Variants in ACTR3C observed in about 807,000 individuals in gnomAD.
ACTR3C encodes the protein actin related protein 3C, also known as actin-related protein 3C.
ACTR3C carries 18 observed loss-of-function variants against 26.3 expected under a neutral mutation model. The observed-to-expected ratio is 0.68, with a 90% confidence interval of 0.47 to 1.01. The LOEUF (loss-of-function observed/expected upper bound fraction) is 1.01. Ranked by LOEUF, ACTR3C falls within the 50% of genes least tolerant of loss-of-function variation. ACTR3C has a pLI of 0.00. For missense variants in ACTR3C, 184 were observed against 250.7 expected (o/e 0.73, Z 1.80); for synonymous variants, 55 against 94.5 (o/e 0.58, Z 2.42).
chr7:150,048,499 TC>T, the ACTR3C span, among the ~76,000 whole-genome samples: 1 of 149,520 alleles, frequency 6.7e-6, no homozygotes, highest in Non-Finnish European at 1.5e-5. Flanking sequence ...GGTGGGGGAG[TC>T]CCGGGAGCTG....
chr7:150,196,834 C>T, the ACTR3C span, among the ~76,000 whole-genome samples: 2 of 152,106 alleles, frequency 1.3e-5, no homozygotes, highest in Non-Finnish European at 2.9e-5. Flanking sequence ...TTAGGATATT[C>T]TTCTTTGTTC....
chr7:150,019,600 A>AATG, the ACTR3C span, among the ~76,000 whole-genome samples: 1 of 2,746 alleles, frequency 3.6e-4, no homozygotes, highest in African/African-American at 9.6e-4. Flanking sequence ...CAAAAATAAA[A>AATG]ATAATAATAA....
chr7:149,964,997 A>T, the ACTR3C span, among the ~76,000 whole-genome samples: 4 of 152,114 alleles, frequency 2.6e-5, no homozygotes, highest in African/African-American at 9.7e-5. Context: ...GGGAGGAAAA[A>T]GTTGTGTGTA....
the ACTR3C span, among the ~76,000 whole-genome samples, chr7:150,069,740 G>A: frequency 1.3e-5 from 2 of 152,088 alleles, no homozygotes; most frequent in Non-Finnish European, 2.9e-5. Flanking sequence ...AGAAGAGGGG[G>A]CTTATGTTAT....
chr7:150,240,002 A>G (rs1430479910), downstream of ACTR3C, among the ~76,000 whole-genome samples: 1 of 152,094 alleles, frequency 6.6e-6, no homozygotes, highest in African/African-American at 2.4e-5. Context: ...TGATCCACCC[A>G]CCTCAGCCTC....
At chr7:150,154,022 A>C in the ACTR3C span, among the ~76,000 whole-genome samples, 61 of 144,628 alleles carry the variant, frequency 4.2e-4, 1 homozygote, top group African/African-American at 1.6e-3. Context: ...GAATTGAACA[A>C]TGAGAACGCA....
At chr7:149,950,206 T>C in the ACTR3C span, among the ~76,000 whole-genome samples, 9 of 76,382 alleles carry the variant, frequency 1.2e-4, no homozygotes, top group Admixed American at 1.3e-3. Flanking sequence ...GCAGGCCAAA[T>C]ATAGAGGTGA....
the ACTR3C span, among the ~76,000 whole-genome samples, chr7:149,941,405 AC>A: frequency 2.0e-5 from 3 of 152,196 alleles, no homozygotes; most frequent in African/African-American, 7.2e-5. Context: ...CACTCCCAGA[AC>A]TGGAGTGTAG....
the ACTR3C span, among the ~76,000 whole-genome samples, chr7:150,081,551 G>A: frequency 1.3e-5 from 2 of 151,478 alleles, no homozygotes; most frequent in East Asian, 3.9e-4. Context: ...TAAAAATGGT[G>A]ACAGTCATTT....
chr7:149,925,738 T>C, the ACTR3C span, among the ~76,000 whole-genome samples: 1 of 151,416 alleles, frequency 6.6e-6, no homozygotes, highest in Non-Finnish European at 1.5e-5. Context: ...GAGATTTAAA[T>C]GAAAAAAATG....
At chr7:150,162,306 CTTAA>C in the ACTR3C span, among the ~76,000 whole-genome samples, 2 of 149,358 alleles carry the variant, frequency 1.3e-5, no homozygotes, top group Non-Finnish European at 3.0e-5. Context: ...ATTAACAGTG[CTTAA>C]TTAATAGGTT....
At chr7:149,998,810 C>T in the ACTR3C span, among the ~76,000 whole-genome samples, 63 of 150,516 alleles carry the variant, frequency 4.2e-4, 9 homozygotes, top group East Asian at 9.8e-3. Flanking sequence ...TGAATTGCTC[C>T]TAATGTATGT....
the ACTR3C span, among the ~76,000 whole-genome samples, chr7:150,185,311 G>A: frequency 1.9e-4 from 29 of 151,856 alleles, no homozygotes; most frequent in African/African-American, 6.0e-4. Flanking sequence ...GTGTGTGTGT[G>A]TGTGTGTGTG....
chr7:150,243,804 G>GT (rs1832318145), downstream of ACTR3C: 1 of 151,986 alleles, frequency 6.6e-6, no homozygotes, highest in Non-Finnish European at 1.5e-5. Flanking sequence ...AACCATACTT[G>GT]TTTTTTAAAA....
intron 6 of ACTR3C, among the ~76,000 whole-genome samples, chr7:150,276,109 A>G (rs896283377): frequency 1.3e-5 from 2 of 152,228 alleles, no homozygotes; most frequent in African/African-American, 4.8e-5. Context: ...AGCACATACC[A>G]TTATAAACGC....
At chr7:150,198,330 C>A in the ACTR3C span, among the ~76,000 whole-genome samples, 1 of 148,956 alleles carries the variant, frequency 6.7e-6, no homozygotes, top group South Asian at 2.1e-4. Flanking sequence ...AGGAGCCTCT[C>A]TGCCTGGCTG....
At chr7:149,973,221 C>A in the ACTR3C span, among the ~76,000 whole-genome samples, 4 of 152,192 alleles carry the variant, frequency 2.6e-5, no homozygotes, top group Non-Finnish European at 5.9e-5. Context: ...AGGCCCCACC[C>A]GGGGGTGAAG....
chr7:150,230,642 G>C, the ACTR3C span, among the ~76,000 whole-genome samples: 1,685 of 152,136 alleles, frequency 0.011, 42 homozygotes, highest in African/African-American at 0.038. Context: ...TGAGGTGGAA[G>C]AGTTTCATCC....
intron 1 of ACTR3C, among the ~76,000 whole-genome samples, chr7:150,318,365 A>G (rs1336549130): frequency 6.6e-6 from 1 of 152,122 alleles, no homozygotes; most frequent in Non-Finnish European, 1.5e-5. Context: ...TCAGACTTCT[A>G]CCCTCCAGAA....
Sources: allele counts gnomAD v4.1 joint callset (sites outside exome capture counted in the v4.1 genomes callset), GRCh38; gene constraint gnomAD v4.1.1; transcripts MANE v1.5; gene names NCBI Gene and HGNC (gene_info 2026-07-23, HGNC 2026-07-21).